SLC13A3: variants seen among roughly 807,000 people sequenced by gnomAD.
SLC13A3 encodes Na(+)/dicarboxylate cotransporter 3.
A neutral mutation model predicts 59.0 loss-of-function variants in SLC13A3; 40 were observed. The observed-to-expected ratio is 0.68, with a 90% CI of 0.53 to 0.88. SLC13A3 has a LOEUF of 0.88. SLC13A3 is among the 40% of genes least tolerant of loss of function. The pLI, the probability that SLC13A3 is intolerant of heterozygous loss-of-function variation, is 0.00. For synonymous variants in SLC13A3, 317 were observed against 330.3 expected, an observed-to-expected ratio of 0.96 and a Z score of 0.44; for missense variants, 699 against 783.2, an observed-to-expected ratio of 0.89 and a Z score of 1.28.
intron 1 of SLC13A3, among the ~76,000 whole-genome samples, chr20:46,624,173 G>C (rs2062644274): frequency 6.6e-6 from 1 of 152,094 alleles, no homozygotes; most frequent in Admixed American, 6.5e-5. Context: ...CTCATTCACA[G>C]GAACCCCATC....
chr20:46,607,504 T>C (rs1304136012), intron 3 of SLC13A3, among the ~76,000 whole-genome samples: 2 of 152,152 alleles, frequency 1.3e-5, no homozygotes, highest in African/African-American at 4.8e-5. Flanking sequence ...CAATTCCTGC[T>C]CCTCCCTGAT....
intron 1 of SLC13A3, among the ~76,000 whole-genome samples, chr20:46,632,289 G>A (rs925115116): frequency 1.1e-4 from 16 of 152,204 alleles, no homozygotes; most frequent in East Asian, 5.8e-4. Context: ...CTGAGCCTGC[G>A]AAGTGCCAGA....
chr20:46,659,643 G>A (rs2063015387), intron 1 of SLC13A3, among the ~76,000 whole-genome samples: 1 of 151,440 alleles, frequency 6.6e-6, no homozygotes, highest in Non-Finnish European at 1.5e-5. Flanking sequence ...CGAGCCCGGG[G>A]AGGTGGAGGT....
At chr20:46,653,727 A>G (rs1403065612), upstream of SLC13A3, among the ~76,000 whole-genome samples, 2 of 152,152 alleles carry the variant, frequency 1.3e-5, no homozygotes, top group Admixed American at 6.5e-5. Context: ...TCCTTTTGTG[A>G]TTAGCTTTGT....
At chr20:46,661,215 G>C (rs1210469076) in intron 1 of SLC13A3, among the ~76,000 whole-genome samples, 1 of 152,196 alleles carries the variant, frequency 6.6e-6, no homozygotes, top group Non-Finnish European at 1.5e-5. Context: ...AGAAAGAACA[G>C]TAGAGAATGA....
At chr20:46,602,744 A>G (rs1399411369) in intron 3 of SLC13A3, among the ~76,000 whole-genome samples, 1 of 152,198 alleles carries the variant, frequency 6.6e-6, no homozygotes, top group African/African-American at 2.4e-5. Flanking sequence ...AGCCCACCCC[A>G]GCAAAGAATT....
At chr20:46,585,586 G>A (rs2062182834) in intron 8 of SLC13A3, 1 of 1,142,690 alleles carries the variant, frequency 8.8e-7, no homozygotes, top group Non-Finnish European at 1.1e-6. Context: ...CTTGACAAAT[G>A]TATGCAGTCC....
chr20:46,592,656 G>T, intron 5 of SLC13A3, 127 bp from the exon 6 acceptor site: 1 of 945,902 alleles, frequency 1.1e-6, no homozygotes, highest in Non-Finnish European at 1.6e-6. Flanking sequence ...GAAGTCTTGG[G>T]AACAGTGTTT....
At chr20:46,664,758 G>C (rs2063052423) in intron 1 of SLC13A3, among the ~76,000 whole-genome samples, 1 of 152,270 alleles carries the variant, frequency 6.6e-6, no homozygotes. Flanking sequence ...CCATGAAGAG[G>C]ACCCTAAGTT....
At chr20:46,672,812 C>G (rs184428505), upstream of SLC13A3, among the ~76,000 whole-genome samples, 1 of 152,176 alleles carries the variant, frequency 6.6e-6, no homozygotes, top group East Asian at 1.9e-4. Flanking sequence ...ACAGCTGAGC[C>G]CAGACTTCCA....
chr20:46,669,621 A>T (rs933848368), intron 1 of SLC13A3, among the ~76,000 whole-genome samples: 1 of 152,216 alleles, frequency 6.6e-6, no homozygotes, highest in African/African-American at 2.4e-5. Context: ...AGACCACATG[A>T]GCTGGGTGGG....
In SLC13A3 at chr20:46,578,763, C is replaced by T. The variant is rs150322249; in HGVS notation, c.1220-3078G>A. The stretch of plus-strand genomic sequence containing the variant: ...AGGAATAAAGAGTAACACAGGAAGA[C>T]GCTTTTCTAGATGGTGTAGTGAGGG... On this transcript the variant is annotated intron_variant, in intron 9 of 12. Coordinates refer to ENST00000279027, the MANE Select transcript of SLC13A3 (RefSeq NM_022829.6). 7.4e-3 allele frequency among the ~76,000 whole-genome samples: 1,121 copies of T among 152,110 alleles called. 7 individuals carry two copies. Among genetic ancestry groups the T allele is most frequent in the Admixed American group, 0.011 (172 of 15,276 alleles).
intron 3 of SLC13A3, among the ~76,000 whole-genome samples, chr20:46,600,328 G>GA (rs1418905067): frequency 2.7e-4 from 31 of 115,372 alleles, no homozygotes; most frequent in South Asian, 5.4e-4. Context: ...GGAAGGAAAG[G>GA]AAGGAAGGAA....
Position 46,575,676 on chromosome 20 carries a change from G to A in SLC13A3, c.1229C>T (p.Thr410Ile). The A allele has an allele frequency of 6.3e-7, 1 of 1,590,444 alleles. No homozygotes were observed. Among genetic ancestry groups the A allele is most frequent in the Non-Finnish European group, 8.6e-7 (1 of 1,167,322 alleles). Residue 410 changes from threonine to isoleucine, a missense_variant, in exon 10 of 13, where the codon ACA becomes ATA. Thr to Ile is a moderately conservative substitution (Grantham distance 89). Transcript: ENST00000279027. ...CCAGGTCAGCAAGGGCTCTGTCTCT[G>A]TGTTGGGAGCTGGGCAGAGAGAGGG... ...KWWFDFKAPN[T>I]ETEPLLTWKK... is the part of the protein sequence containing the mutation.
At chr20:46,610,128 T>A (rs1295050912) in intron 3 of SLC13A3, among the ~76,000 whole-genome samples, 4 of 152,240 alleles carry the variant, frequency 2.6e-5, no homozygotes, top group Non-Finnish European at 5.9e-5. Flanking sequence ...TGAGCATCTC[T>A]TTGAATGCTG....
chr20:46,655,913 T>TTATATATACGTATATAATATACTACAGTA (rs1568960042), upstream of SLC13A3, among the ~76,000 whole-genome samples: 4 of 142,592 alleles, frequency 2.8e-5, no homozygotes, highest in East Asian at 4.0e-4. Flanking sequence ...GTACAGTATA[T>TTATATATACGTATATAATATACTACAGTA]TATATATACG....
chr20:46,633,851 C>T (rs1600591346), intron 1 of SLC13A3, among the ~76,000 whole-genome samples: 1 of 152,254 alleles, frequency 6.6e-6, no homozygotes, highest in African/African-American at 2.4e-5. Flanking sequence ...GCTTAGGCAC[C>T]AAGCCATGCT....
intron 8 of SLC13A3, among the ~76,000 whole-genome samples, chr20:46,587,391 C>T (rs553304073): frequency 1.3e-5 from 2 of 152,266 alleles, no homozygotes; most frequent in East Asian, 1.9e-4. Flanking sequence ...GCATAACATG[C>T]CCGAAAAGAC....
At chr20:46,675,170 G>C (rs2063117020) in intron 1 of SLC13A3, among the ~76,000 whole-genome samples, 1 of 151,806 alleles carries the variant, frequency 6.6e-6, no homozygotes. Context: ...AGAGGGGTCA[G>C]AATGGGGAGT....
Sources: allele counts gnomAD v4.1 joint callset (sites outside exome capture counted in the v4.1 genomes callset), GRCh38; gene constraint gnomAD v4.1.1; transcripts MANE v1.5; gene names NCBI Gene and HGNC (gene_info 2026-07-23, HGNC 2026-07-21).